Variants in POLR3B observed in about 807,000 individuals in gnomAD.
The protein encoded by POLR3B is DNA-directed RNA polymerase III subunit RPC2.
POLR3B carries 96 observed loss-of-function variants against 147.4 expected under a neutral mutation model. That is an observed-to-expected ratio of 0.65 (90% CI 0.55 to 0.77). POLR3B has a LOEUF of 0.77. Ranked by LOEUF, POLR3B falls within the 30% of genes least tolerant of loss-of-function variation. The pLI is 0.00. For missense variants in POLR3B, 1,036 were observed against 1,413.5 expected (o/e 0.73, Z 4.28); for synonymous variants, 461 against 485.9 (o/e 0.95, Z 0.67).
intron 14 of POLR3B, among the ~76,000 whole-genome samples, chr12:106,431,998 T>A (rs1293245825): frequency 1.3e-5 from 2 of 152,218 alleles, no homozygotes; most frequent in African/African-American, 4.8e-5. Flanking sequence ...AATGTTCCAA[T>A]GTCTGGGAGT....
At chr12:106,398,979 C>T (rs966214286) in intron 10 of POLR3B, among the ~76,000 whole-genome samples, 7 of 152,134 alleles carry the variant, frequency 4.6e-5, no homozygotes, top group East Asian at 1.9e-4. Context: ...CAAAGCTGAA[C>T]GGAGAATGAC....
At chr12:106,464,339 T>G (rs926940751) in intron 23 of POLR3B, among the ~76,000 whole-genome samples, 2 of 152,230 alleles carry the variant, frequency 1.3e-5, no homozygotes, top group African/African-American at 2.4e-5. Context: ...TTTGTAGCAC[T>G]AACTGTGTGC....
intron 10 of POLR3B, among the ~76,000 whole-genome samples, chr12:106,399,174 T>C (rs2264758): frequency 0.63 from 96,245 of 152,066 alleles, 30,783 homozygotes; most frequent in East Asian, 0.77. Context: ...ACGAGAACTA[T>C]GTGACGAATG....
At chr12:106,464,770 A>G (rs1287506416) in intron 23 of POLR3B, among the ~76,000 whole-genome samples, 1 of 152,186 alleles carries the variant, frequency 6.6e-6, no homozygotes, top group Non-Finnish European at 1.5e-5. Flanking sequence ...ATAACTGCAC[A>G]TTGTGTTTCT....
rs570620009 is a variant in POLR3B at position 106,483,000 on chromosome 12, C to G, written c.2714-13055C>G. Reference sequence around the variant, plus strand: ...TCAACACCTAAGACTCATAGCTCCCCAACCCTAACTGATCACACAGGCCCA... The same window carrying G: ...TCAACACCTAAGACTCATAGCTCCCGAACCCTAACTGATCACACAGGCCCA... On this transcript the variant is annotated intron_variant, in intron 23 of 27. Transcript: ENST00000228347. Among the ~76,000 whole-genome samples, 17 of 152,224 alleles carry G rather than the reference C, an allele frequency of 1.1e-4. No individual in the cohort carries two copies. In the South Asian group the frequency reaches 2.1e-3, roughly 19 times the overall value.
At chr12:106,427,389 G>T (rs1207959221) in intron 13 of POLR3B, 31 bp downstream of exon 13, 1 of 1,594,036 alleles carries the variant, frequency 6.3e-7, no homozygotes, top group Non-Finnish European at 8.6e-7. Flanking sequence ...TTAGGATTTT[G>T]TAATTTATTT....
At chr12:106,482,214 A>G (rs1050048034) in intron 23 of POLR3B, among the ~76,000 whole-genome samples, 4 of 152,234 alleles carry the variant, frequency 2.6e-5, no homozygotes, top group African/African-American at 9.6e-5. Flanking sequence ...TTGAAGTTTT[A>G]TAAATAAAAT....
At chr12:106,413,886 GTTTAC>G (rs1170361580) in intron 12 of POLR3B, among the ~76,000 whole-genome samples, 1 of 151,248 alleles carries the variant, frequency 6.6e-6, no homozygotes, top group Non-Finnish European at 1.5e-5. Context: ...GTTTTTTGTT[GTTTAC>G]TTTTATAGAA....
intron 27 of POLR3B, chr12:106,507,932 A>T (rs2038715346): frequency 2.6e-6 from 1 of 379,978 alleles, no homozygotes. Flanking sequence ...AGAGATGACC[A>T]CTATTAACAT....
chr12:106,427,054 C>G, intron 12 of POLR3B, 143 bp from the exon 13 acceptor site: 2 of 634,658 alleles, frequency 3.2e-6, no homozygotes, highest in Non-Finnish European at 5.4e-6. Context: ...ATCTGTCAAA[C>G]TGAATTTGAA....
At chr12:106,431,760 A>T (rs1281953748) in intron 14 of POLR3B, among the ~76,000 whole-genome samples, 1 of 152,048 alleles carries the variant, frequency 6.6e-6, no homozygotes, top group Admixed American at 6.6e-5. Flanking sequence ...CTTTTTTCTG[A>T]TCCAGAATCA....
At chr12:106,464,160 G>A (rs1427954307) in intron 23 of POLR3B, among the ~76,000 whole-genome samples, 4 of 152,140 alleles carry the variant, frequency 2.6e-5, no homozygotes, top group African/African-American at 9.7e-5. Flanking sequence ...GGTGCTTTGT[G>A]TGTGTCTTAC....
intron 23 of POLR3B, 63 bp downstream of exon 23, chr12:106,463,683 TAAATA>T: frequency 7.4e-7 from 1 of 1,352,266 alleles, no homozygotes; most frequent in Non-Finnish European, 1.1e-6. Context: ...GTTAACCACT[TAAATA>T]AAATTCCCCC....
In POLR3B at chr12:106,379,938, A is replaced by T. The variant is rs1593007498; in HGVS notation, c.615-93A>T. ...CCTTGTGATTGTTGTTGATCAGTTG[A>T]CCCTTATTGATTAATGATCATTGCT... On this transcript the variant is annotated intron_variant, in intron 8 of 27. Coordinates refer to ENST00000228347, the MANE Select transcript of POLR3B (RefSeq NM_018082.6). The T allele has an allele frequency of 9.3e-6, 7 of 755,070 alleles. No homozygotes were observed. The East Asian group carries it at 1.8e-4, about 20-fold the overall frequency. The allele number at this position is 755,070 out of a possible 1,614,324, so 46.8% of individuals were successfully genotyped here. A position where few individuals can be genotyped will look rare whatever the true frequency, so the allele number is the denominator to read the frequency against.
intron 25 of POLR3B, chr12:106,500,332 C>A (rs965465659): frequency 2.7e-6 from 1 of 366,050 alleles, no homozygotes; most frequent in African/African-American, 2.1e-5. Context: ...TACAGACTTT[C>A]TAAAGATTCA....
Position 106,386,342 on chromosome 12 carries a change from CA to C in POLR3B, c.723+6218del, listed in dbSNP as rs61272699. ...TGGGTGACAGAGGGAGACTCCGTCT[CA>C]AAAAAAAAAAAAAAGAAAACTTTAT... On this transcript the variant is annotated intron_variant, in intron 9 of 27. Transcript: ENST00000228347. 1.6e-3 allele frequency among the ~76,000 whole-genome samples: 171 copies of C among 104,906 alleles called. No individual in the cohort carries two copies. The Middle Eastern group carries it at 0.022, about 14-fold the overall frequency. 68.8% of individuals were successfully genotyped at this position (104,906 alleles called of 152,430 possible). A position where few individuals can be genotyped will look rare whatever the true frequency, so the allele number is the denominator to read the frequency against.
chr12:106,392,896 G>A, intron 9 of POLR3B, 135 bp from the exon 10 acceptor site: 1 of 1,088,404 alleles, frequency 9.2e-7, no homozygotes, highest in Non-Finnish European at 1.3e-6. Flanking sequence ...GCCAATGCCA[G>A]ATGGCACCAT....
In POLR3B at chr12:106,430,132, C is replaced by T. The variant is rs559941665; in HGVS notation, c.1264-141C>T. ...GACTAAACTTTCATTTTAATTGTGA[C>T]ACTTTGATTTCTGAATATATGTCAT... On this transcript the variant is annotated intron_variant, in intron 13 of 27. Coordinates refer to ENST00000228347, the MANE Select transcript of POLR3B (RefSeq NM_018082.6). 5.1e-4 allele frequency: 381 copies of T among 746,874 alleles called. 1 individual carries two copies. The highest frequency in any genetic ancestry group is 8.3e-4 in the Non-Finnish European group (339 of 410,532). 46.3% of individuals were successfully genotyped at this position (746,874 alleles called of 1,614,324 possible).
intron 11 of POLR3B, chr12:106,410,550 C>A (rs922444484): frequency 4.6e-6 from 2 of 434,384 alleles, no homozygotes; most frequent in African/African-American, 4.0e-5. Context: ...ATAGATTCCA[C>A]CTTTAATGAA....
Sources: gnomAD v4.1 joint callset for allele counts (sites outside exome capture counted in the v4.1 genomes callset) on GRCh38, gnomAD v4.1.1 for gene constraint, MANE v1.5 for transcripts, NCBI Gene and HGNC (gene_info 2026-07-23, HGNC 2026-07-21) for gene names.